Variants in MYOM3 observed in about 807,000 individuals in gnomAD.
MYOM3 encodes the protein myomesin 3, also known as myomesin-3.
In MYOM3, 155 loss-of-function variants were observed where a neutral mutation model predicts 191.7. The ratio of observed to expected loss-of-function variants is 0.81; its 90% CI spans 0.71 to 0.92. MYOM3 has a LOEUF of 0.92. Among genes scored for constraint, MYOM3 ranks in the 40% least tolerant of loss-of-function variants. The pLI is 0.00. For missense variants in MYOM3, 1,889 were observed against 1,890.6 expected (o/e 1.00, Z 0.02); for synonymous variants, 757 against 762.9 (o/e 0.99, Z 0.13).
At chr1:24,105,388 G>A (rs35570178) in intron 5 of MYOM3, among the ~76,000 whole-genome samples, 9,265 of 152,184 alleles carry the variant, frequency 0.061, 411 homozygotes, top group African/African-American at 0.12. Context: ...CTCCTTCTCC[G>A]TAGGCCCTTC....
intron 3 of MYOM3, 75 bp from the exon 4 acceptor site, chr1:24,107,307 T>C: frequency 7.4e-7 from 1 of 1,353,376 alleles, no homozygotes; most frequent in Non-Finnish European, 1.0e-6. Context: ...TTCCATTCCC[T>C]GTGCCCAGCA....
At chr1:24,070,038 T>C (rs948787451) in intron 25 of MYOM3, among the ~76,000 whole-genome samples, 2 of 152,222 alleles carry the variant, frequency 1.3e-5, no homozygotes, top group African/African-American at 4.8e-5. Context: ...CAGTTGAATA[T>C]TGACAAATCA....
At chr1:24,103,723 C>A (rs1643958638) in intron 5 of MYOM3, among the ~76,000 whole-genome samples, 1 of 152,104 alleles carries the variant, frequency 6.6e-6, no homozygotes, top group South Asian at 2.1e-4. Flanking sequence ...ACACGTTTTG[C>A]CTTGAAAAGT....
intron 25 of MYOM3, among the ~76,000 whole-genome samples, chr1:24,068,874 C>T (rs945781485): frequency 5.3e-5 from 8 of 152,012 alleles, no homozygotes; most frequent in Admixed American, 3.3e-4. Context: ...CAAGCATGCG[C>T]CACCACACCC....
In MYOM3 at chr1:24,081,460, T is replaced by C; in HGVS notation, c.2281-4A>G. 1 of 1,613,328 alleles carries C rather than the reference T, an allele frequency of 6.2e-7. No homozygotes were observed. Among genetic ancestry groups the C allele is most frequent in the Non-Finnish European group, 8.5e-7 (1 of 1,179,594 alleles). On this transcript the variant is annotated splice_polypyrimidine_tract_variant and splice_region_variant and intron_variant, in intron 18 of 36. Coordinates refer to ENST00000374434, the MANE Select transcript of MYOM3 (RefSeq NM_152372.4). The stretch of plus-strand genomic sequence containing the variant: ...GGCCTTCATGAAGGTCACTGACCTT[T>C]AAGAGCAGAAACACAAACTATGAGG...
Position 24,090,113 on chromosome 1 carries a change from G to A in MYOM3, c.1438C>T (p.Pro480Ser), listed in dbSNP as rs1350022238. The A allele has an allele frequency of 6.2e-7, 1 of 1,613,836 alleles. No individual in the cohort carries two copies. The highest frequency in any genetic ancestry group is 2.2e-5 in the East Asian group (1 of 44,886). ...HDAARRKTEI[P>S]FDLGNKITIS... is the part of the protein sequence containing the mutation. ...GTGATCTTGTTTCCCAGATCAAAGG[G>A]GATCTCTAGGATGAGAAGGGAGCAT... The change falls in exon 13 of 37, where the codon CCC becomes TCC. Residue 480 changes from proline to serine, a missense_variant. Transcript: ENST00000374434.
rs1643298292 is a variant in MYOM3 at position 24,056,136 on chromosome 1, C to T, written c.*1228G>A. 2.0e-5 allele frequency: 3 copies of T among 152,122 alleles called. No individual in the cohort carries two copies. The highest frequency in any genetic ancestry group is 1.3e-4 in the Admixed American group (2 of 15,260). The allele number at this position is 152,122 out of a possible 1,614,324, so 9.4% of individuals were successfully genotyped here. On this transcript the variant is annotated 3_prime_UTR_variant, in exon 37 of 37. Coordinates refer to ENST00000374434, the MANE Select transcript of MYOM3 (RefSeq NM_152372.4). The stretch of plus-strand genomic sequence containing the variant: ...CATCTATAATTTTATGAACACTCCC[C>T]ATCTTATTTTTAAAAAGAAAAAAGT...
chr1:24,086,573 G>T, intron 15 of MYOM3, 71 bp downstream of exon 15: 1 of 1,482,296 alleles, frequency 6.7e-7, no homozygotes, highest in Non-Finnish European at 9.2e-7. Flanking sequence ...GCAGGGCTTT[G>T]TCCCTGCAGC....
At chr1:24,098,889 T>C (rs1199519582) in intron 6 of MYOM3, among the ~76,000 whole-genome samples, 3 of 152,150 alleles carry the variant, frequency 2.0e-5, no homozygotes, top group Admixed American at 1.3e-4. Context: ...TAGAGAGAAA[T>C]GGCTCACACC....
In MYOM3 at chr1:24,084,497, T is replaced by G. The variant is rs372173952; in HGVS notation, c.1941A>C (p.Thr647=). ...TGCCTTGGATGGGTTTGTTGTTAAC[T>G]GTTTGCCACTCAGATGTCCCCACCT... ...SRKVGTSEWQ[T]VNNKPIQGTR... Residue 647 remains threonine (T), a synonymous_variant, in exon 16 of 37, where the codon ACA becomes ACC. Transcript: ENST00000374434. The G allele has an allele frequency of 6.2e-7, 1 of 1,614,104 alleles. No homozygotes were observed. Among genetic ancestry groups the G allele is most frequent in the Non-Finnish European group, 8.5e-7 (1 of 1,180,052 alleles).
chr1:24,104,032 C>T (rs951803175), intron 5 of MYOM3, among the ~76,000 whole-genome samples: 4 of 152,164 alleles, frequency 2.6e-5, no homozygotes, highest in Admixed American at 2.6e-4. Context: ...AGGCAGGAGA[C>T]CTGAGTTTGA....
In MYOM3 at chr1:24,071,969, C is replaced by T. The variant is rs756582367; in HGVS notation, c.3013G>A (p.Val1005Met). Residue 1005 changes from valine to methionine, a missense_variant and splice_region_variant, in exon 24 of 37, where the codon GTG becomes ATG. Physicochemically the swap from Val to Met is conservative, Grantham distance 21. Coordinates refer to ENST00000374434, the MANE Select transcript of MYOM3 (RefSeq NM_152372.4). ...CTGGTAGCTTGGACTGCTTGCTTAC[C>T]TGGGTTTCTGATCTCATGACTCAGC... ...KKLSHEIRNPVIKLISGWNID... is the reference protein window; with the variant it reads ...KKLSHEIRNPMIKLISGWNID... The T allele has an allele frequency of 4.3e-6, 7 of 1,613,968 alleles. No homozygotes were observed. The highest frequency in any genetic ancestry group is 5.1e-6 in the Non-Finnish European group (6 of 1,179,996).
chr1:24,096,830 C>T (rs985581803), intron 7 of MYOM3, among the ~76,000 whole-genome samples: 16 of 152,180 alleles, frequency 1.1e-4, no homozygotes, highest in African/African-American at 2.7e-4. Flanking sequence ...AAGGTGTGAC[C>T]CCCTTGGGCA....
intron 6 of MYOM3, 74 bp from the exon 7 acceptor site, chr1:24,098,085 TG>T (rs1209805422): frequency 1.1e-6 from 1 of 945,396 alleles, no homozygotes; most frequent in Non-Finnish European, 1.8e-6. Context: ...CCTGTGTGGG[TG>T]GGAAAGGCTG....
At chr1:24,066,826 C>A in intron 28 of MYOM3, 195 bp downstream of exon 28, 1 of 552,970 alleles carries the variant, frequency 1.8e-6, no homozygotes, top group Non-Finnish European at 3.2e-6. Flanking sequence ...GAATCCTACC[C>A]CATGGGCGCT....
intron 3 of MYOM3, 59 bp downstream of exon 3, chr1:24,107,934 G>A (rs1048617553): frequency 2.2e-5 from 32 of 1,444,950 alleles, no homozygotes; most frequent in Non-Finnish European, 2.7e-5. Context: ...GGGAGGCCGG[G>A]GACTGGACAG....
intron 1 of MYOM3, among the ~76,000 whole-genome samples, chr1:24,110,982 G>A (rs546509897): frequency 6.6e-6 from 1 of 152,332 alleles, no homozygotes; most frequent in South Asian, 2.1e-4. Context: ...CTCTGTTCCC[G>A]ATTAGCACAG....
At position 24,086,724 on chromosome 1, in the gene MYOM3, A is replaced by G. The variant is rs1432286933; in HGVS notation, c.1718T>C (p.Phe573Ser). The G allele has an allele frequency of 6.2e-7, 1 of 1,614,130 alleles. No individual in the cohort carries two copies. Among genetic ancestry groups the G allele is most frequent in the East Asian group, 2.2e-5 (1 of 44,856 alleles). ...LDLEKKKSYVFRVRAMNQYGL... is the reference protein window; with the variant it reads ...LDLEKKKSYVSRVRAMNQYGL... ...ATACTGGTTCATTGCTCGCACTCTG[A>G]AGACATACGACTTCTTTTTCTCCAG... Residue 573 changes from phenylalanine (F) to serine (S), a missense_variant, in exon 15 of 37, where the codon TTC becomes TCC. Coordinates refer to ENST00000374434, the MANE Select transcript of MYOM3 (RefSeq NM_152372.4).
At chr1:24,069,384 T>C (rs1402803146) in intron 25 of MYOM3, among the ~76,000 whole-genome samples, 1 of 152,194 alleles carries the variant, frequency 6.6e-6, no homozygotes, top group Non-Finnish European at 1.5e-5. Context: ...TTGCATCTTT[T>C]GATGCTGGGA....
Sources: allele counts gnomAD v4.1 joint callset (sites outside exome capture counted in the v4.1 genomes callset), GRCh38; gene constraint gnomAD v4.1.1; transcripts MANE v1.5; gene names NCBI Gene and HGNC (gene_info 2026-07-23, HGNC 2026-07-21).